Variants in UBL3 observed in about 807,000 individuals in gnomAD.
UBL3 encodes the protein ubiquitin-like protein 3.
A neutral mutation model predicts 18.4 loss-of-function variants in UBL3; 6 were observed. The ratio of observed to expected loss-of-function variants is 0.33; its 90% CI spans 0.18 to 0.64. The LOEUF (loss-of-function observed/expected upper bound fraction) is 0.64. UBL3 is among the 30% of genes least tolerant of loss of function. The probability of loss-of-function intolerance (pLI) is 0.76; values close to 1 mark genes in which losing one functional copy is unlikely to be tolerated. For missense variants in UBL3, 109 were observed against 142.9 expected, an observed-to-expected ratio of 0.76 and a Z score of 1.21; for synonymous variants, 49 against 46.6, an observed-to-expected ratio of 1.05 and a Z score of -0.21.
Position 29,849,631 on chromosome 13 carries a change from T to G in UBL3, c.-93A>C. ...CACGTTACAGAAATAAACCACGATT[T>G]TGACTGGTTCGTGATGTGCTTTCTC... On this transcript the variant is annotated 5_prime_UTR_variant, in exon 1 of 5. Coordinates refer to ENST00000380680, the MANE Select transcript of UBL3 (RefSeq NM_007106.4). 6.6e-7 allele frequency: 1 copy of G among 1,522,056 alleles called. No individual in the cohort carries two copies. Among genetic ancestry groups the G allele is most frequent in the Non-Finnish European group, 9.0e-7 (1 of 1,107,006 alleles). The allele number at this position is 1,522,056 out of a possible 1,614,324, so 94.3% of individuals were successfully genotyped here.
chr13:29,839,374 A>C (rs1879036332), intron 1 of UBL3, among the ~76,000 whole-genome samples: 1 of 152,246 alleles, frequency 6.6e-6, no homozygotes. Context: ...GGAAGTTTTA[A>C]AATATGCTTT....
chr13:29,837,747 C>T (rs560988256), intron 1 of UBL3, among the ~76,000 whole-genome samples: 12 of 151,840 alleles, frequency 7.9e-5, no homozygotes, highest in African/African-American at 2.7e-4. Context: ...CTGGCCAATA[C>T]GGCAAAACCA....
chr13:29,783,734 T>TG (rs1342576994), intron 1 of UBL3, among the ~76,000 whole-genome samples: 11 of 152,294 alleles, frequency 7.2e-5, no homozygotes, highest in Non-Finnish European at 1.2e-4. Flanking sequence ...TTTACTTCTT[T>TG]GAAGCCAAGC....
chr13:29,835,097 T>A (rs868818499), intron 1 of UBL3, among the ~76,000 whole-genome samples: 33 of 18,752 alleles, frequency 1.8e-3, no homozygotes, highest in Admixed American at 6.5e-3. Context: ...TAAATATATA[T>A]ATATATATAA....
At chr13:29,837,472 C>A (rs193068906) in intron 1 of UBL3, among the ~76,000 whole-genome samples, 7 of 151,824 alleles carry the variant, frequency 4.6e-5, no homozygotes, top group Admixed American at 4.6e-4. Context: ...TCTAGGCTTA[C>A]GAGAAGGGGA....
chr13:29,849,777 G>T lies in UBL3; in HGVS notation c.-239C>A, dbSNP rs1424543361. 1.0e-5 allele frequency: 6 copies of T among 598,956 alleles called. No homozygotes were observed. In the Admixed American group the frequency reaches 1.5e-4, roughly 15 times the overall value. The allele number at this position is 598,956 out of a possible 1,614,324, so 37.1% of individuals were successfully genotyped here. On this transcript the variant is annotated 5_prime_UTR_variant, in exon 1 of 5. Coordinates refer to ENST00000380680, the MANE Select transcript of UBL3 (RefSeq NM_007106.4). ...GGAGGAAACTCCCGGGACAGCAGAG[G>T]CAGCCCCCGTCGTCGTCGTCGTCGT...
At chr13:29,829,781 C>T (rs1023478206) in intron 1 of UBL3, among the ~76,000 whole-genome samples, 14 of 152,344 alleles carry the variant, frequency 9.2e-5, no homozygotes, top group African/African-American at 3.4e-4. Context: ...CTGCGTCGCT[C>T]AGGCTGGGAG....
intron 1 of UBL3, among the ~76,000 whole-genome samples, chr13:29,824,822 G>C (rs549661511): frequency 6.6e-6 from 1 of 152,274 alleles, no homozygotes; most frequent in African/African-American, 2.4e-5. Context: ...TTTTCTTCTA[G>C]GGTTTTTATG....
intron 1 of UBL3, among the ~76,000 whole-genome samples, chr13:29,814,216 T>A (rs1298878761): frequency 6.6e-6 from 1 of 152,106 alleles, no homozygotes; most frequent in Non-Finnish European, 1.5e-5. Flanking sequence ...CAGGTTGTTT[T>A]AATTACTTCA....
chr13:29,843,283 A>C (rs908125250), intron 1 of UBL3, among the ~76,000 whole-genome samples: 11 of 152,174 alleles, frequency 7.2e-5, no homozygotes, highest in African/African-American at 2.7e-4. Context: ...AAAAGATTAA[A>C]ATTTTGTTTT....
intron 3 of UBL3, among the ~76,000 whole-genome samples, chr13:29,768,716 C>G (rs1876756029): frequency 6.6e-6 from 1 of 152,030 alleles, no homozygotes; most frequent in South Asian, 2.1e-4. Context: ...CTTTTAACCT[C>G]TGATGTTCAA....
At position 29,850,329 on chromosome 13, in the gene UBL3, C is replaced by T. The variant is rs1411879477; in HGVS notation, c.-791G>A. The T allele has an allele frequency of 6.5e-6, 1 of 153,552 alleles. No individual in the cohort carries two copies. Among genetic ancestry groups the T allele is most frequent in the Non-Finnish European group, 1.5e-5 (1 of 68,582 alleles). 9.5% of individuals were successfully genotyped at this position (153,552 alleles called of 1,614,324 possible). ...TCGGGGCGCATCGTCTCCGGCTCCT[C>T]GCCACTCCTCTTCTGCCTCCGCCTT... On this transcript the variant is annotated 5_prime_UTR_variant, in exon 1 of 5. Transcript: ENST00000380680.
At chr13:29,809,202 A>T (rs1565995782) in intron 1 of UBL3, among the ~76,000 whole-genome samples, 2 of 152,134 alleles carry the variant, frequency 1.3e-5, no homozygotes, top group Non-Finnish European at 2.9e-5. Context: ...ATAAAGAAGT[A>T]ACAGGGTCAA....
At chr13:29,848,493 TA>T in intron 1 of UBL3, among the ~76,000 whole-genome samples, 1 of 151,860 alleles carries the variant, frequency 6.6e-6, no homozygotes, top group East Asian at 1.9e-4. Context: ...AAATTAAAAT[TA>T]AAAAATAAAA....
In UBL3 at chr13:29,816,296, T is replaced by C. The variant is rs140238442; in HGVS notation, c.27+33216A>G. ...GGTATTGAAGAAACTGACTAAATTA[T>C]GGAATATAACCACAGAGTTTAGGGA... On this transcript the variant is annotated intron_variant, in intron 1 of 4. Transcript: ENST00000380680. Among the ~76,000 whole-genome samples, 88 of 152,198 alleles carry C rather than the reference T, an allele frequency of 5.8e-4. No individual in the cohort carries two copies. The Middle Eastern group carries it at 0.014, about 24-fold the overall frequency.
chr13:29,834,934 C>T (rs1485064202), intron 1 of UBL3, among the ~76,000 whole-genome samples: 3 of 150,716 alleles, frequency 2.0e-5, no homozygotes, highest in Non-Finnish European at 4.4e-5. Flanking sequence ...GAGAGTTTTC[C>T]GATGGATTAA....
At chr13:29,785,730 T>C (rs1457557784) in intron 1 of UBL3, among the ~76,000 whole-genome samples, 1 of 152,200 alleles carries the variant, frequency 6.6e-6, no homozygotes, top group Non-Finnish European at 1.5e-5. Context: ...TATTCAAACA[T>C]TTTCTAAAAC....
At chr13:29,782,772 C>T (rs1877211063) in intron 1 of UBL3, among the ~76,000 whole-genome samples, 1 of 152,134 alleles carries the variant, frequency 6.6e-6, no homozygotes, top group African/African-American at 2.4e-5. Flanking sequence ...ATGACAACTG[C>T]AACAGTAACT....
chr13:29,777,414 A>C, intron 1 of UBL3, 151 bp from the exon 2 acceptor site: 1 of 715,656 alleles, frequency 1.4e-6, no homozygotes. Flanking sequence ...TTTTTTAAAA[A>C]GAATGGGAAT....
Sources: allele counts gnomAD v4.1 joint callset (sites outside exome capture counted in the v4.1 genomes callset), GRCh38; gene constraint gnomAD v4.1.1; transcripts MANE v1.5; gene names NCBI Gene and HGNC (gene_info 2026-07-23, HGNC 2026-07-21).